Variants in HMOX1 observed in about 807,000 individuals in gnomAD.
HMOX1 encodes the protein heat shock protein, 32-kD.
A neutral mutation model predicts 27.8 loss-of-function variants in HMOX1; 22 were observed. That is an observed-to-expected ratio of 0.79 (90% confidence interval 0.57 to 1.13). The LOEUF (loss-of-function observed/expected upper bound fraction) is 1.13. HMOX1 is among the 50% of genes most tolerant of loss of function. The pLI is 0.00. For missense variants in HMOX1, 379 were observed against 377.7 expected, an observed-to-expected ratio of 1.00 and a Z score of -0.03; for synonymous variants, 153 against 151.6, an observed-to-expected ratio of 1.01 and a Z score of -0.07.
chr22:35,392,275 T>C (rs1931742788), intron 4 of HMOX1, among the ~76,000 whole-genome samples: 1 of 151,432 alleles, frequency 6.6e-6, no homozygotes, highest in African/African-American at 2.4e-5. Context: ...TCAGTTTTAA[T>C]ATCTAATTTT....
At chr22:35,392,456 CTGCTTGCTTGCT>C (rs761201355) in intron 4 of HMOX1, among the ~76,000 whole-genome samples, 1 of 151,954 alleles carries the variant, frequency 6.6e-6, no homozygotes, top group Non-Finnish European at 1.5e-5. Flanking sequence ...CACAGTGTAC[CTGCTTGCTTGCT>C]TGCTTGCTTG....
chr22:35,388,814 A>C (rs1026724072), intron 3 of HMOX1, among the ~76,000 whole-genome samples: 2 of 146,818 alleles, frequency 1.4e-5, no homozygotes, highest in African/African-American at 5.3e-5. Context: ...AAAAACAAAC[A>C]AAAAAAAACG....
intron 2 of HMOX1, among the ~76,000 whole-genome samples, chr22:35,384,990 C>G (rs545254530): frequency 1.3e-5 from 2 of 151,922 alleles, no homozygotes; most frequent in African/African-American, 4.8e-5. Flanking sequence ...TCTGTCCCCT[C>G]AAGGAATAGA....
At chr22:35,391,412 C>A (rs559642536) in intron 4 of HMOX1, among the ~76,000 whole-genome samples, 13 of 151,156 alleles carry the variant, frequency 8.6e-5, no homozygotes, top group Non-Finnish European at 1.5e-4. Flanking sequence ...CTCAGCCTCC[C>A]GAGTAGCTGG....
At chr22:35,383,909 A>G (rs1569055256) in intron 2 of HMOX1, among the ~76,000 whole-genome samples, 1 of 152,068 alleles carries the variant, frequency 6.6e-6, no homozygotes, top group Non-Finnish European at 1.5e-5. Flanking sequence ...GCACTTGATG[A>G]AGAACCGGGA....
Position 35,394,069 on chromosome 22 carries a change from T to A in HMOX1, c.*471T>A. On this transcript the variant is annotated 3_prime_UTR_variant, in exon 5 of 5. Transcript: ENST00000216117. Reference sequence around the variant, plus strand: ...CCTGGCTCAGCCTCAAATGCAGTATTTTTGTTGTGTTCTGTTGTTTTTATA... The same window carrying A: ...CCTGGCTCAGCCTCAAATGCAGTATATTTGTTGTGTTCTGTTGTTTTTATA... 1 of 267,482 alleles carries A rather than the reference T, an allele frequency of 3.7e-6. No individual in the cohort carries two copies. Among genetic ancestry groups the A allele is most frequent in the Non-Finnish European group, 7.4e-6 (1 of 135,608 alleles). 16.6% of individuals were successfully genotyped at this position (267,482 alleles called of 1,614,324 possible). A position where few individuals can be genotyped will look rare whatever the true frequency, so the allele number is the denominator to read the frequency against.
intron 4 of HMOX1, among the ~76,000 whole-genome samples, chr22:35,390,543 G>T (rs563723029): frequency 6.6e-6 from 1 of 152,056 alleles, no homozygotes; most frequent in Non-Finnish European, 1.5e-5. Flanking sequence ...GCGTGTTTTT[G>T]TATGAGAAGT....
At chr22:35,383,532 A>G (rs1186763970) in intron 2 of HMOX1, among the ~76,000 whole-genome samples, 1 of 152,178 alleles carries the variant, frequency 6.6e-6, no homozygotes, top group African/African-American at 2.4e-5. Flanking sequence ...CCCTGACGAG[A>G]AAGATGAGGA....
chr22:35,391,586 C>CTT (rs56153278), intron 4 of HMOX1, among the ~76,000 whole-genome samples: 6,344 of 88,318 alleles, frequency 0.072, 913 homozygotes, highest in African/African-American at 0.21. Context: ...CGCGCCCGGC[C>CTT]TTTTTTTTTT....
At chr22:35,387,435 G>C (rs1471212834) in intron 3 of HMOX1, among the ~76,000 whole-genome samples, 3 of 152,230 alleles carry the variant, frequency 2.0e-5, no homozygotes, top group Non-Finnish European at 4.4e-5. Flanking sequence ...CAGCAGTAAA[G>C]TCCCCACAGC....
chr22:35,386,763 GC>G lies in HMOX1; in HGVS notation c.227del (p.Pro76LeufsTer40), dbSNP rs1569056040. 1 of 1,614,206 alleles carries G rather than the reference GC, an allele frequency of 6.2e-7. No individual in the cohort carries two copies. The highest frequency in any genetic ancestry group is 8.5e-7 in the Non-Finnish European group (1 of 1,180,024). On this transcript the variant is annotated frameshift_variant, in exon 3 of 5. Coordinates refer to ENST00000216117, the MANE Select transcript of HMOX1 (RefSeq NM_002133.3). LOFTEE classifies it high-confidence loss of function. ...GCGCAACAAGGAGAGCCCAGTCTTC[GC>G]CCCTGTCTACTTCCCAGAAGAGCTG... ...IERNKESPVF[A>X]PVYFPEELHR...
At chr22:35,388,267 A>T (rs1931556509) in intron 3 of HMOX1, among the ~76,000 whole-genome samples, 1 of 151,862 alleles carries the variant, frequency 6.6e-6, no homozygotes, top group Non-Finnish European at 1.5e-5. Context: ...CCCTGGCAAC[A>T]CAGTGAGACC....
intron 3 of HMOX1, among the ~76,000 whole-genome samples, chr22:35,388,610 A>G (rs1931567119): frequency 6.6e-6 from 1 of 151,748 alleles, no homozygotes; most frequent in South Asian, 2.1e-4. Flanking sequence ...ACACGGTGAA[A>G]CCCCATCTCT....
intron 2 of HMOX1, among the ~76,000 whole-genome samples, chr22:35,385,286 C>T (rs985210305): frequency 2.0e-5 from 3 of 152,124 alleles, no homozygotes; most frequent in African/African-American, 4.8e-5. Flanking sequence ...CAGCTGTTCC[C>T]CTCTCCTGAG....
chr22:35,381,317 C>A, intron 1 of HMOX1, 121 bp downstream of exon 1: 1 of 1,235,534 alleles, frequency 8.1e-7, no homozygotes, highest in Non-Finnish European at 1.1e-6. Context: ...AACTTGGGCT[C>A]TGGAGTCAGG....
rs1931796227 is a variant in HMOX1, at chr22:35,394,001, G to C, written c.*403G>C. 4 of 317,022 alleles carry C rather than the reference G, an allele frequency of 1.3e-5. No homozygotes were observed. The highest frequency in any genetic ancestry group is 4.3e-5 in the Admixed American group (1 of 23,162). 19.6% of individuals were successfully genotyped at this position (317,022 alleles called of 1,614,324 possible). On this transcript the variant is annotated 3_prime_UTR_variant, in exon 5 of 5. Coordinates refer to ENST00000216117, the MANE Select transcript of HMOX1 (RefSeq NM_002133.3). The stretch of plus-strand genomic sequence containing the variant: ...TTTTACACAAACCTGAAAAGATGTT[G>C]TGTCTTGTGTTTTTGTCTTATTTTT...
rs372672366 is a variant in HMOX1, at chr22:35,389,395, C to CCTTTCTTTCTTT, written c.637-446_637-435dup. ...TCCTTCCTTCCTTCCTTCCTTCCTTCCTTTCTTTCTTTCTTTCTTTCTTTC... is the reference window on the plus strand; with the variant it reads ...TCCTTCCTTCCTTCCTTCCTTCCTTCCTTTCTTTCTTTCTTTCTTTCTTTCTTTCTTTCTTTC... On this transcript the variant is annotated intron_variant, in intron 3 of 4. Transcript: ENST00000216117. Among the ~76,000 whole-genome samples, 464 of 51,758 alleles carry CCTTTCTTTCTTT rather than the reference C, an allele frequency of 9.0e-3. 12 individuals carry two copies. Among genetic ancestry groups the CCTTTCTTTCTTT allele is most frequent in the Non-Finnish European group, 0.012 (341 of 29,056 alleles). The allele number at this position is 51,758 out of a possible 152,430, so 34.0% of individuals were successfully genotyped here.
Position 35,381,171 on chromosome 22 carries a change from C to T in HMOX1, c.-3C>T, listed in dbSNP as rs775316710. ...CAGCACGAACGAGCCCAGCACCGGC[C>T]GGATGGAGCGTCCGCAACCCGACAG... On this transcript the variant is annotated 5_prime_UTR_variant, in exon 1 of 5. Coordinates refer to ENST00000216117, the MANE Select transcript of HMOX1 (RefSeq NM_002133.3). 7 of 1,542,914 alleles carry T rather than the reference C, an allele frequency of 4.5e-6. No individual in the cohort carries two copies. Among genetic ancestry groups the T allele is most frequent in the Admixed American group, 3.9e-5 (2 of 51,386 alleles).
chr22:35,386,043 C>T (rs1931494720), intron 2 of HMOX1, among the ~76,000 whole-genome samples: 2 of 151,530 alleles, frequency 1.3e-5, no homozygotes, highest in East Asian at 3.9e-4. Flanking sequence ...GCAAGCTCCA[C>T]CTCCCGGGTT....
Sources: allele counts gnomAD v4.1 joint callset (sites outside exome capture counted in the v4.1 genomes callset), GRCh38; gene constraint gnomAD v4.1.1; transcripts MANE v1.5; gene names NCBI Gene and HGNC (gene_info 2026-07-23, HGNC 2026-07-21).